The following RASGRP3 variants were observed in gnomAD, a reference collection of about 807,000 sequenced individuals.
The protein encoded by RASGRP3 is RAS guanyl releasing protein 3.
A neutral mutation model predicts 82.7 loss-of-function variants in RASGRP3; 54 were observed. That is an observed-to-expected ratio of 0.65 (90% CI 0.52 to 0.82). The LOEUF is 0.82. Among genes scored for constraint, RASGRP3 ranks in the 40% least tolerant of loss-of-function variants. The pLI is 0.00. For synonymous variants in RASGRP3, 309 were observed against 300.5 expected (o/e 1.03, Z -0.29); for missense variants, 861 against 828.9 (o/e 1.04, Z -0.48).
At chr2:33,466,366 A>T (rs1003732631) in intron 2 of RASGRP3, among the ~76,000 whole-genome samples, 8 of 152,138 alleles carry the variant, frequency 5.3e-5, no homozygotes, top group African/African-American at 1.9e-4. Context: ...CTCATGGACG[A>T]CTTTGAGGGG....
rs142650439 is a variant in RASGRP3 at position 33,453,044 on chromosome 2, G to A, written c.-261+5101G>A. The stretch of plus-strand genomic sequence containing the variant: ...CAGGGAAGGTATCTTTCTCTGTGCT[G>A]TGCACCCCTTGGGGGAGGGATGATA... On this transcript the variant is annotated intron_variant, in intron 2 of 18. Transcript: ENST00000402538. 2.5e-3 allele frequency among the ~76,000 whole-genome samples: 375 copies of A among 152,268 alleles called. 1 individual carries two copies. The highest frequency in any genetic ancestry group is 8.7e-3 in the African/African-American group (362 of 41,548).
chr2:33,449,654 G>T (rs1665682402), intron 2 of RASGRP3, among the ~76,000 whole-genome samples: 2 of 151,988 alleles, frequency 1.3e-5, no homozygotes, highest in Non-Finnish European at 2.9e-5. Flanking sequence ...CACTCCTAGG[G>T]AGGCTGAGGC....
At chr2:33,465,653 A>T (rs1319818132) in intron 2 of RASGRP3, among the ~76,000 whole-genome samples, 3 of 152,260 alleles carry the variant, frequency 2.0e-5, no homozygotes, top group Non-Finnish European at 4.4e-5. Flanking sequence ...ATTATACAAC[A>T]GATTTTCCAC....
chr2:33,470,523 G>A (rs959227735), intron 2 of RASGRP3, among the ~76,000 whole-genome samples: 1 of 151,906 alleles, frequency 6.6e-6, no homozygotes, highest in East Asian at 1.9e-4. Context: ...GGGACTACAG[G>A]CGCCCGCCAC....
chr2:33,510,179 T>A (rs1670797077), intron 1 of RASGRP3, among the ~76,000 whole-genome samples: 1 of 152,230 alleles, frequency 6.6e-6, no homozygotes, highest in Admixed American at 6.5e-5. Flanking sequence ...AGATAATAAC[T>A]GCCATTGGCA....
intron 1 of RASGRP3, among the ~76,000 whole-genome samples, chr2:33,447,468 C>G (rs1426104053): frequency 2.6e-5 from 4 of 151,052 alleles, no homozygotes; most frequent in Non-Finnish European, 5.9e-5. Context: ...CAGAGTTTCA[C>G]TTGGTCACCC....
At chr2:33,482,445 C>T (rs989195873) in intron 1 of RASGRP3, 1 of 152,142 alleles carries the variant, frequency 6.6e-6, no homozygotes, top group African/African-American at 2.4e-5. Context: ...TTGGTTGTTT[C>T]CTGAGGTATG....
At chr2:33,522,150 A>G in intron 7 of RASGRP3, 48 bp downstream of exon 7, 1 of 1,558,258 alleles carries the variant, frequency 6.4e-7, no homozygotes, top group Non-Finnish European at 8.7e-7. Context: ...CCACCATGCC[A>G]ACTTTCCCAA....
At chr2:33,524,707 C>A (rs1344314266) in intron 9 of RASGRP3, among the ~76,000 whole-genome samples, 159 bp downstream of exon 9, 1 of 152,154 alleles carries the variant, frequency 6.6e-6, no homozygotes, top group Non-Finnish European at 1.5e-5. Context: ...AATAACCACA[C>A]CAGCTGAGTC....
At chr2:33,513,719 GC>G (rs771386702) in intron 2 of RASGRP3, among the ~76,000 whole-genome samples, 23 of 152,192 alleles carry the variant, frequency 1.5e-4, no homozygotes, top group Admixed American at 7.2e-4. Flanking sequence ...CAGCAGCGAT[GC>G]TTTTGAGTAT....
rs2150909849 is a variant in RASGRP3 at position 33,467,977 on chromosome 2, G to GATTTTT, written c.-261+20034_-261+20035insATTTTT. 2.1e-5 allele frequency among the ~76,000 whole-genome samples: 3 copies of GATTTTT among 142,698 alleles called. No individual in the cohort carries two copies. In the East Asian group the frequency reaches 6.7e-4, roughly 32 times the overall value. 93.6% of individuals were successfully genotyped at this position (142,698 alleles called of 152,430 possible). Reference sequence around the variant, plus strand: ...ACTGGTTTTTCTAATGGATGGTGAGGCTTTTTCTTTCTTTCTTTCTTTCTT... The same window carrying GATTTTT: ...ACTGGTTTTTCTAATGGATGGTGAGGATTTTTCTTTTTCTTTCTTTCTTTCTTTCTT... On this transcript the variant is annotated intron_variant, in intron 2 of 18. Coordinates refer to the RASGRP3 transcript ENST00000402538.
At position 33,537,208 on chromosome 2, in the gene RASGRP3, T is replaced by C. The variant is rs947380576; in HGVS notation, c.1162-1886T>C. On this transcript the variant is annotated intron_variant, in intron 11 of 17. Transcript: ENST00000403687. The stretch of plus-strand genomic sequence containing the variant: ...AACTAATAGGATATATATATATATA[T>C]ATCTCAAAACTCCTGTGCTGATCAG... 9.3e-5 allele frequency among the ~76,000 whole-genome samples: 14 copies of C among 151,030 alleles called. 1 individual carries two copies. The highest frequency in any genetic ancestry group is 3.2e-4 in the African/African-American group (13 of 40,986).
intron 2 of RASGRP3, among the ~76,000 whole-genome samples, chr2:33,512,386 CGTGA>C (rs1374558213): frequency 6.6e-6 from 1 of 152,060 alleles, no homozygotes; most frequent in Non-Finnish European, 1.5e-5. Context: ...TCTACTCTTC[CGTGA>C]GTAACAGGCT....
chr2:33,543,164 C>T (rs1157492633), intron 12 of RASGRP3, among the ~76,000 whole-genome samples: 4 of 152,120 alleles, frequency 2.6e-5, no homozygotes, highest in Non-Finnish European at 5.9e-5. Flanking sequence ...AGGCATGCAC[C>T]ACCGTGCCCA....
chr2:33,485,648 A>G (rs1668307401), intron 1 of RASGRP3, among the ~76,000 whole-genome samples: 1 of 152,278 alleles, frequency 6.6e-6, no homozygotes, highest in Non-Finnish European at 1.5e-5. Context: ...GGACAATCAT[A>G]TTCATTCCCA....
At chr2:33,463,673 A>T (rs899180634) in intron 2 of RASGRP3, among the ~76,000 whole-genome samples, 2 of 141,748 alleles carry the variant, frequency 1.4e-5, no homozygotes, top group Non-Finnish European at 3.0e-5. Context: ...ATCTTGGCTC[A>T]CTGCAACCTC....
In RASGRP3 at chr2:33,495,612, C is replaced by T. The variant is rs559502446; in HGVS notation, c.-260-16098C>T. ...AATTAGGAATAAGAAAAATTCTGGA[C>T]GAGGCATGGTGCCTCATGCTTGTAA... On this transcript the variant is annotated intron_variant, in intron 1 of 17. Transcript: ENST00000403687. 5.3e-5 allele frequency among the ~76,000 whole-genome samples: 8 copies of T among 152,222 alleles called. No individual in the cohort carries two copies. In the South Asian group the frequency reaches 1.0e-3, roughly 20 times the overall value.
At chr2:33,481,305 G>T (rs983597125) in intron 1 of RASGRP3, 1 of 152,126 alleles carries the variant, frequency 6.6e-6, no homozygotes, top group African/African-American at 2.4e-5. Context: ...GGGACTACAG[G>T]TGCCCACCAC....
chr2:33,520,120 TG>T (rs2151020096), intron 5 of RASGRP3, 106 bp downstream of exon 5: 1 of 901,506 alleles, frequency 1.1e-6, no homozygotes, highest in East Asian at 2.7e-5. Flanking sequence ...GACTCTACTC[TG>T]ATACCCCTCC....
Sources: gnomAD v4.1 joint callset for allele counts (sites outside exome capture counted in the v4.1 genomes callset) on GRCh38, gnomAD v4.1.1 for gene constraint, MANE v1.5 for transcripts, NCBI Gene and HGNC (gene_info 2026-07-23, HGNC 2026-07-21) for gene names.